The following PMPCB variants were observed in gnomAD, a reference collection of about 807,000 sequenced individuals.
The protein encoded by PMPCB is peptidase, mitochondrial processing subunit beta, also known as mitochondrial-processing peptidase subunit beta.
Under a neutral mutation model 61.5 loss-of-function variants are expected in PMPCB, and 46 were observed. The ratio of observed to expected loss-of-function variants is 0.75; its 90% confidence interval spans 0.59 to 0.96. The LOEUF (loss-of-function observed/expected upper bound fraction) is 0.96. PMPCB is among the 40% of genes least tolerant of loss of function. The pLI is 0.00. For synonymous variants in PMPCB, 191 were observed against 201.6 expected, an observed-to-expected ratio of 0.95 and a Z score of 0.44; for missense variants, 590 against 602.4, an observed-to-expected ratio of 0.98 and a Z score of 0.22.
downstream of PMPCB, among the ~76,000 whole-genome samples, chr7:103,318,322 T>C (rs1206883748): frequency 3.9e-5 from 6 of 152,150 alleles, no homozygotes; most frequent in Admixed American, 3.9e-4. Context: ...CACGACACCA[T>C]GCCAGTTAAT....
At chr7:103,316,830 C>A, downstream of PMPCB, 1 of 1,612,968 alleles carries the variant, frequency 6.2e-7, no homozygotes, top group Non-Finnish European at 8.5e-7. Flanking sequence ...AAACCAGTAC[C>A]TTGAATTTGT....
intron 4 of PMPCB, 54 bp from the exon 5 acceptor site, chr7:103,303,788 A>G: frequency 7.7e-7 from 1 of 1,293,526 alleles, no homozygotes; most frequent in Non-Finnish European, 1.1e-6. Context: ...AATAGATTTT[A>G]ATAGTGAAAG....
intron 12 of PMPCB, chr7:103,322,877 A>G (rs1818496590): frequency 9.3e-7 from 1 of 1,077,330 alleles, no homozygotes; most frequent in African/African-American, 1.6e-5. Flanking sequence ...AAATATTTAT[A>G]TGTACATAAC....
Position 103,298,633 on chromosome 7 carries a change from T to G in PMPCB, c.165T>G (p.Val55=). ...TQAATQVVLN[V]PETRVTCLES... is the part of the protein sequence containing the mutation. ...CTGCTACCCAAGTTGTTCTGAATGT[T>G]CCTGAAACAAGAGTAACATGTTTAG... is the stretch of plus-strand genomic sequence containing the variant. Residue 55 remains valine, a synonymous_variant, in exon 2 of 13, where the codon GTT becomes GTG. Coordinates refer to ENST00000249269, the MANE Select transcript of PMPCB (RefSeq NM_004279.3). 1 of 1,614,038 alleles carries G rather than the reference T, an allele frequency of 6.2e-7. No homozygotes were observed. The highest frequency in any genetic ancestry group is 8.5e-7 in the Non-Finnish European group (1 of 1,179,900).
chr7:103,327,888 T>G (rs1321356292), intron 12 of PMPCB: 2 of 558,132 alleles, frequency 3.6e-6, no homozygotes, highest in Non-Finnish European at 6.3e-6. Context: ...ATATGCTTAT[T>G]CAATGTGAAA....
At chr7:103,302,580 G>A (rs918709115) in intron 4 of PMPCB, among the ~76,000 whole-genome samples, 2 of 152,032 alleles carry the variant, frequency 1.3e-5, no homozygotes, top group Admixed American at 1.3e-4. Context: ...GGTTTTATTT[G>A]GTTTTACAGA....
chr7:103,347,085 A>T, the PMPCB span, among the ~76,000 whole-genome samples: 1 of 152,264 alleles, frequency 6.6e-6, no homozygotes, highest in Non-Finnish European at 1.5e-5. Context: ...TGTTTCCCAC[A>T]GCAGTTGCAC....
chr7:103,334,776 A>C, the PMPCB span, among the ~76,000 whole-genome samples: 1 of 151,990 alleles, frequency 6.6e-6, no homozygotes, highest in Non-Finnish European at 1.5e-5. Flanking sequence ...GAGCATAATA[A>C]AATTATTTAT....
At chr7:103,319,590 T>A, downstream of PMPCB, 1 of 1,611,754 alleles carries the variant, frequency 6.2e-7, no homozygotes, top group South Asian at 1.1e-5. Context: ...TAGGTAGGAG[T>A]GATGTGTTCC....
chr7:103,317,249 CAT>C (rs1818121656), downstream of PMPCB: 2 of 463,164 alleles, frequency 4.3e-6, no homozygotes, highest in African/African-American at 4.0e-5. Flanking sequence ...TCCCAGTACT[CAT>C]GTCATGTGAC....
chr7:103,299,581 C>G, intron 3 of PMPCB, 52 bp downstream of exon 3: 1 of 1,038,998 alleles, frequency 9.6e-7, no homozygotes, highest in Non-Finnish European at 1.5e-6. Context: ...ATAATAAGCA[C>G]AAAGTCTCAT....
downstream of PMPCB, among the ~76,000 whole-genome samples, chr7:103,317,663 A>T (rs1263676107): frequency 2.0e-5 from 3 of 151,642 alleles, no homozygotes; most frequent in Admixed American, 1.3e-4. Flanking sequence ...TTTCTTTCTT[A>T]CTTTTGAGGC....
At chr7:103,340,605 G>A in the PMPCB span, among the ~76,000 whole-genome samples, 1 of 152,114 alleles carries the variant, frequency 6.6e-6, no homozygotes, top group Non-Finnish European at 1.5e-5. Flanking sequence ...CACATATCTG[G>A]GAACTTTCCC....
the PMPCB span, chr7:103,344,341 C>T: frequency 3.4e-6 from 2 of 587,092 alleles, no homozygotes; most frequent in Non-Finnish European, 6.0e-6. Flanking sequence ...GAGGAAGCAA[C>T]GGTAGGAGCA....
intron 9 of PMPCB, 72 bp downstream of exon 9, chr7:103,310,547 T>G: frequency 1.8e-6 from 2 of 1,104,818 alleles, no homozygotes; most frequent in South Asian, 3.3e-5. Context: ...TATTTATACT[T>G]TATGGTGATT....
chr7:103,304,952 GTC>G (rs1392537619), intron 6 of PMPCB, among the ~76,000 whole-genome samples: 1 of 150,104 alleles, frequency 6.7e-6, no homozygotes, highest in East Asian at 1.9e-4. Flanking sequence ...GAGTGAGACT[GTC>G]TCAAAAAAAA....
chr7:103,341,797 G>A, the PMPCB span: 8 of 1,598,404 alleles, frequency 5.0e-6, no homozygotes, highest in Non-Finnish European at 6.8e-6. Flanking sequence ...TTTTCAGCAT[G>A]GGAAACTCTT....
intron 12 of PMPCB, among the ~76,000 whole-genome samples, chr7:103,326,942 T>G (rs1215162863): frequency 6.6e-6 from 1 of 152,132 alleles, no homozygotes; most frequent in Non-Finnish European, 1.5e-5. Context: ...AGAGAAAAGA[T>G]GACTCTGGGG....
chr7:103,341,892 T>C, the PMPCB span: 1 of 1,613,234 alleles, frequency 6.2e-7, no homozygotes, highest in Non-Finnish European at 8.5e-7. Flanking sequence ...GCATTTCTGT[T>C]TCTCCTCTTA....
Sources: allele counts gnomAD v4.1 joint callset (sites outside exome capture counted in the v4.1 genomes callset), GRCh38; gene constraint gnomAD v4.1.1; transcripts MANE v1.5; gene names NCBI Gene and HGNC (gene_info 2026-07-23, HGNC 2026-07-21).